Variants in NTRK3 observed in about 807,000 individuals in gnomAD.
NTRK3 encodes NT-3 growth factor receptor.
In NTRK3, 24 loss-of-function variants were observed where a neutral mutation model predicts 91.7. The ratio of observed to expected loss-of-function variants is 0.26; its 90% CI spans 0.19 to 0.37. NTRK3 has a LOEUF of 0.37. NTRK3 is among the 10% of genes least tolerant of loss of function. The pLI, the probability that NTRK3 is intolerant of heterozygous loss-of-function variation, is 1.00. For missense variants in NTRK3, 880 were observed against 1,068.9 expected (o/e 0.82, Z 2.46); for synonymous variants, 483 against 404.0 (o/e 1.20, Z -2.34).
Position 87,910,130 on chromosome 15 carries a change from A to C in NTRK3, c.2133+19061T>G, listed in dbSNP as rs939519990. 2.6e-5 allele frequency among the ~76,000 whole-genome samples: 4 copies of C among 152,320 alleles called. No homozygotes were observed. The South Asian group carries it at 6.2e-4, about 24-fold the overall frequency. ...GAGACTGGCAGGGGCTTCAGGACCC[A>C]GTAGGCCAGGGCAAGAAATTTATAT... On this transcript the variant is annotated intron_variant, in intron 17 of 18. Coordinates refer to ENST00000394480, the Ensembl canonical transcript of NTRK3.
intron 5 of NTRK3, among the ~76,000 whole-genome samples, chr15:88,181,136 T>C (rs1448575298): frequency 6.6e-6 from 1 of 152,050 alleles, no homozygotes; most frequent in African/African-American, 2.4e-5. Flanking sequence ...TCCATCCTTC[T>C]CGGTAATCAC....
chr15:88,208,284 A>T (rs1597961883), intron 3 of NTRK3, among the ~76,000 whole-genome samples: 1 of 150,566 alleles, frequency 6.6e-6, no homozygotes, highest in Admixed American at 6.6e-5. Flanking sequence ...ATCTCATCTG[A>T]CTCCTGCTTG....
At chr15:88,188,423 A>G (rs1453148234) in intron 3 of NTRK3, among the ~76,000 whole-genome samples, 1 of 152,200 alleles carries the variant, frequency 6.6e-6, no homozygotes, top group Non-Finnish European at 1.5e-5. Flanking sequence ...GTGGGTAGAG[A>G]TTAGAGATGT....
chr15:88,033,209 TATATATAA>T (rs1167657344), intron 13 of NTRK3, among the ~76,000 whole-genome samples, 164 bp from the exon 14 acceptor site: 2 of 133,114 alleles, frequency 1.5e-5, no homozygotes, highest in Admixed American at 7.2e-5. Flanking sequence ...TATATATATA[TATATATAA>T]ATTCAGTTGT....
chr15:87,874,878 CAA>C (rs1008202717), exon 19 of NTRK3: 1 of 231,830 alleles, frequency 4.3e-6, no homozygotes, highest in African/African-American at 2.2e-5. Context: ...AGCTTTCCTG[CAA>C]AGTCCTCAGG....
intron 17 of NTRK3, among the ~76,000 whole-genome samples, chr15:87,901,010 C>T (rs990387047): frequency 2.6e-5 from 4 of 152,168 alleles, no homozygotes; most frequent in African/African-American, 9.7e-5. Context: ...CAGCCTGCTA[C>T]TCTACAACTG....
intron 5 of NTRK3, among the ~76,000 whole-genome samples, chr15:88,182,141 C>T (rs957735562): frequency 4.6e-5 from 7 of 152,122 alleles, no homozygotes; most frequent in Non-Finnish European, 8.8e-5. Flanking sequence ...GGGGCTGATA[C>T]ACCTGGCCCT....
At chr15:87,882,423 A>G (rs111336124) in intron 17 of NTRK3, among the ~76,000 whole-genome samples, 33 of 152,346 alleles carry the variant, frequency 2.2e-4, no homozygotes, top group African/African-American at 7.9e-4. Context: ...CAGAGCAAAT[A>G]AGCCACAAAA....
In NTRK3 at chr15:87,912,406, A is replaced by G. The variant is rs554243498; in HGVS notation, c.2133+16785T>C. Among the ~76,000 whole-genome samples, 28 of 152,268 alleles carry G rather than the reference A, an allele frequency of 1.8e-4. 1 individual carries two copies. In the South Asian group the frequency reaches 5.2e-3, roughly 28 times the overall value. ...TAACTTAACCAGAACACCAAACCCA[A>G]TTCCACCCCTCATTTATTGTACAGT... On this transcript the variant is annotated intron_variant, in intron 17 of 18. Transcript: ENST00000394480.
At chr15:87,905,139 A>G (rs2066687797) in intron 17 of NTRK3, among the ~76,000 whole-genome samples, 1 of 152,244 alleles carries the variant, frequency 6.6e-6, no homozygotes, top group Admixed American at 6.5e-5. Flanking sequence ...ATGAAAAAGA[A>G]AATCCTTGCC....
intron 17 of NTRK3, among the ~76,000 whole-genome samples, chr15:87,902,845 T>A (rs997495264): frequency 6.6e-6 from 1 of 152,114 alleles, no homozygotes; most frequent in Non-Finnish European, 1.5e-5. Flanking sequence ...CAGAGGCCCA[T>A]GTAAAAACCG....
At chr15:88,223,176 C>T (rs547074130) in intron 3 of NTRK3, among the ~76,000 whole-genome samples, 4 of 152,360 alleles carry the variant, frequency 2.6e-5, no homozygotes, top group South Asian at 2.1e-4. Context: ...CCCCAGCACA[C>T]GGCCCCCAGG....
chr15:88,083,510 C>A (rs1480758948), intron 13 of NTRK3, among the ~76,000 whole-genome samples: 2 of 152,176 alleles, frequency 1.3e-5, no homozygotes, highest in Admixed American at 1.3e-4. Flanking sequence ...GCATGAGCCA[C>A]CGCGCCCGGC....
chr15:88,026,307 A>T (rs1217161527), intron 14 of NTRK3, among the ~76,000 whole-genome samples: 1 of 152,114 alleles, frequency 6.6e-6, no homozygotes, highest in African/African-American at 2.4e-5. Context: ...AAAAAATAAA[A>T]AAATAAATGA....
intron 14 of NTRK3, among the ~76,000 whole-genome samples, chr15:87,953,034 C>A (rs757636150): frequency 6.6e-6 from 1 of 152,202 alleles, no homozygotes; most frequent in Non-Finnish European, 1.5e-5. Flanking sequence ...CATGCTTCCC[C>A]CTGTCGAAGC....
intron 13 of NTRK3, among the ~76,000 whole-genome samples, chr15:88,102,039 T>G (rs1299443168): frequency 1.3e-5 from 2 of 151,628 alleles, no homozygotes; most frequent in Admixed American, 1.3e-4. Context: ...AATAAAAAAA[T>G]AAAATAGGCT....
intron 3 of NTRK3, among the ~76,000 whole-genome samples, chr15:88,207,902 C>A (rs1009962043): frequency 1.3e-5 from 2 of 152,172 alleles, no homozygotes; most frequent in Non-Finnish European, 2.9e-5. Flanking sequence ...GGACACAAGT[C>A]ATCATATTCC....
At chr15:87,925,494 G>C (rs1164886200) in intron 17 of NTRK3, 1 of 199,290 alleles carries the variant, frequency 5.0e-6, no homozygotes, top group Non-Finnish European at 1.0e-5. Flanking sequence ...GCACTTAGTG[G>C]TGTTAGGCAT....
chr15:87,913,273 C>G (rs528629781), intron 17 of NTRK3, among the ~76,000 whole-genome samples: 1 of 152,074 alleles, frequency 6.6e-6, no homozygotes, highest in South Asian at 2.1e-4. Flanking sequence ...CTGGCAAACC[C>G]CTTTCTCTGA....
Sources: gnomAD v4.1 joint callset for allele counts (sites outside exome capture counted in the v4.1 genomes callset) on GRCh38, gnomAD v4.1.1 for gene constraint, MANE v1.5 for transcripts, NCBI Gene and HGNC (gene_info 2026-07-23, HGNC 2026-07-21) for gene names.